TBC1D32: variants seen among roughly 807,000 people sequenced by gnomAD.
The protein encoded by TBC1D32 is TBC1 domain family member 32.
In TBC1D32, 151 loss-of-function variants were observed where a neutral mutation model predicts 170.3. That is an observed-to-expected ratio of 0.89 (90% CI 0.78 to 1.01). The LOEUF is 1.01. Among genes scored for constraint, TBC1D32 ranks in the 50% least tolerant of loss-of-function variants. The probability of loss-of-function intolerance (pLI) is 0.00; values close to 1 mark genes in which losing one functional copy is unlikely to be tolerated. For missense variants in TBC1D32, 1,464 were observed against 1,457.1 expected (o/e 1.00, Z -0.08); for synonymous variants, 498 against 488.0 (o/e 1.02, Z -0.27).
intron 30 of TBC1D32, among the ~76,000 whole-genome samples, chr6:121,097,479 A>G (rs1224397147): frequency 1.3e-5 from 2 of 152,242 alleles, no homozygotes; most frequent in Non-Finnish European, 2.9e-5. Context: ...AATGCAAATC[A>G]AAACCACAAT....
At chr6:121,306,078 C>T (rs947576319) in intron 5 of TBC1D32, among the ~76,000 whole-genome samples, 4 of 152,052 alleles carry the variant, frequency 2.6e-5, no homozygotes, top group Admixed American at 6.6e-5. Context: ...ACAATTGCAT[C>T]CGTCGTTAGA....
At chr6:121,173,142 G>A (rs921050082) in intron 22 of TBC1D32, among the ~76,000 whole-genome samples, 1 of 152,140 alleles carries the variant, frequency 6.6e-6, no homozygotes, top group African/African-American at 2.4e-5. Context: ...AATCTAATCA[G>A]CTACCAGCGC....
At chr6:121,271,143 C>T (rs1265830170) in intron 15 of TBC1D32, among the ~76,000 whole-genome samples, 3 of 152,096 alleles carry the variant, frequency 2.0e-5, no homozygotes, top group Non-Finnish European at 2.9e-5. Flanking sequence ...ATGACAAACC[C>T]ACAGCCAATA....
At chr6:121,297,287 T>C (rs113242186) in intron 10 of TBC1D32, among the ~76,000 whole-genome samples, 2,668 of 152,200 alleles carry the variant, frequency 0.018, 27 homozygotes, top group South Asian at 0.041. Flanking sequence ...TTGATACTTA[T>C]TGCCCTATAC....
chr6:121,221,249 T>C (rs1489404875), intron 21 of TBC1D32, among the ~76,000 whole-genome samples: 1 of 152,178 alleles, frequency 6.6e-6, no homozygotes, highest in Non-Finnish European at 1.5e-5. Flanking sequence ...AGCCTACCAT[T>C]GAAAACTACT....
At chr6:121,231,586 T>TA (rs1795744257) in intron 20 of TBC1D32, among the ~76,000 whole-genome samples, 1 of 152,080 alleles carries the variant, frequency 6.6e-6, no homozygotes, top group Admixed American at 6.6e-5. Context: ...AACATCTATT[T>TA]TTTTTTCATT....
At chr6:121,327,893 A>C (rs981743939) in intron 1 of TBC1D32, among the ~76,000 whole-genome samples, 1 of 152,306 alleles carries the variant, frequency 6.6e-6, no homozygotes, top group East Asian at 1.9e-4. Flanking sequence ...GTCTCTCCCG[A>C]AGAATTACAA....
At chr6:121,205,037 A>G in intron 22 of TBC1D32, 38 bp downstream of exon 22, 1 of 1,221,112 alleles carries the variant, frequency 8.2e-7, no homozygotes, top group East Asian at 2.6e-5. Flanking sequence ...TTTGTGGAAC[A>G]TAAAATATAA....
chr6:121,229,793 AC>A (rs1795510541), intron 20 of TBC1D32, among the ~76,000 whole-genome samples: 1 of 152,074 alleles, frequency 6.6e-6, no homozygotes, highest in Non-Finnish European at 1.5e-5. Flanking sequence ...CTTTGTCCCT[AC>A]CCAAATCTCA....
intron 25 of TBC1D32, among the ~76,000 whole-genome samples, chr6:121,131,309 A>C (rs1467474566): frequency 6.6e-6 from 1 of 151,930 alleles, no homozygotes; most frequent in Admixed American, 6.6e-5. Flanking sequence ...AAATCAATAA[A>C]ATTTCTAAAA....
intron 30 of TBC1D32, among the ~76,000 whole-genome samples, chr6:121,094,144 T>C (rs142529198): frequency 6.6e-6 from 1 of 151,950 alleles, no homozygotes; most frequent in Non-Finnish European, 1.5e-5. Flanking sequence ...CTATGAGTCA[T>C]AAATTTTAAT....
intron 17 of TBC1D32, among the ~76,000 whole-genome samples, chr6:121,244,583 T>C (rs903239138): frequency 6.6e-6 from 1 of 152,166 alleles, no homozygotes; most frequent in Non-Finnish European, 1.5e-5. Flanking sequence ...TCCTCTACTA[T>C]GATTTGTCAC....
At chr6:121,190,387 A>C in intron 22 of TBC1D32, among the ~76,000 whole-genome samples, 2 of 110,364 alleles carry the variant, frequency 1.8e-5, no homozygotes, top group African/African-American at 7.3e-5. Flanking sequence ...TCCTCTGCAC[A>C]CATACCCCTT....
chr6:121,288,591 C>T (rs1469345239), intron 12 of TBC1D32, among the ~76,000 whole-genome samples: 1 of 152,150 alleles, frequency 6.6e-6, no homozygotes, highest in Admixed American at 6.5e-5. Flanking sequence ...GGAGCTGGTA[C>T]CATTCCTTCT....
At chr6:121,117,682 A>T in intron 26 of TBC1D32, among the ~76,000 whole-genome samples, 1 of 151,964 alleles carries the variant, frequency 6.6e-6, no homozygotes, top group East Asian at 1.9e-4. Flanking sequence ...AGCCTGCGTG[A>T]CAGAGTGAGA....
At chr6:121,085,281 A>ATACG (rs1469508641) in intron 31 of TBC1D32, among the ~76,000 whole-genome samples, 12 of 141,150 alleles carry the variant, frequency 8.5e-5, no homozygotes, top group Non-Finnish European at 9.0e-5. Flanking sequence ...ATATACGTAT[A>ATACG]TATATACATA....
At chr6:121,237,750 A>G (rs1225770241) in intron 20 of TBC1D32, among the ~76,000 whole-genome samples, 1 of 151,896 alleles carries the variant, frequency 6.6e-6, no homozygotes, top group Non-Finnish European at 1.5e-5. Flanking sequence ...TTTTTTATTC[A>G]TTATAAGGAT....
intron 21 of TBC1D32, among the ~76,000 whole-genome samples, chr6:121,207,741 T>C (rs939122963): frequency 1.3e-5 from 2 of 152,164 alleles, no homozygotes; most frequent in African/African-American, 2.4e-5. Context: ...AGCTTGAGAA[T>C]ATTTTCAATA....
chr6:121,133,748 C>A (rs1397635905), intron 24 of TBC1D32, among the ~76,000 whole-genome samples: 1 of 151,878 alleles, frequency 6.6e-6, no homozygotes, highest in East Asian at 1.9e-4. Context: ...ACACATAAAG[C>A]AAAAAGCTCT....
Sources: gnomAD v4.1 joint callset for allele counts (sites outside exome capture counted in the v4.1 genomes callset) on GRCh38, gnomAD v4.1.1 for gene constraint, MANE v1.5 for transcripts, NCBI Gene and HGNC (gene_info 2026-07-23, HGNC 2026-07-21) for gene names.